Variants in IRAK1BP1 observed in about 807,000 individuals in gnomAD.
The protein encoded by IRAK1BP1 is interleukin 1 receptor associated kinase 1 binding protein 1.
In IRAK1BP1, 24 loss-of-function variants were observed where a neutral mutation model predicts 28.0. That is an observed-to-expected ratio of 0.86 (90% CI 0.62 to 1.20). The LOEUF (loss-of-function observed/expected upper bound fraction) is 1.20. Ranked by LOEUF, IRAK1BP1 falls within the 50% of genes most tolerant of loss-of-function variation. IRAK1BP1 has a pLI of 0.00. For missense variants in IRAK1BP1, 336 were observed against 316.7 expected, an observed-to-expected ratio of 1.06 and a Z score of -0.46; for synonymous variants, 131 against 116.3, an observed-to-expected ratio of 1.13 and a Z score of -0.81.
rs146175076 is a variant in IRAK1BP1, at chr6:78,883,529, A to G, written c.316-1849A>G. Among the ~76,000 whole-genome samples the G allele has an allele frequency of 6.4e-4, 98 of 152,306 alleles. 1 individual carries two copies. The South Asian group carries it at 8.1e-3, about 13-fold the overall frequency. ...CTTTCCAATTACCTTTCATAAAATT[A>G]TCTCTCTAATAATTTTTCAATCAGA... On this transcript the variant is annotated intron_variant, in intron 1 of 3. Coordinates refer to ENST00000369940, the MANE Select transcript of IRAK1BP1 (RefSeq NM_001010844.4).
intron 1 of IRAK1BP1, among the ~76,000 whole-genome samples, chr6:78,879,232 G>A (rs1265456540): frequency 6.6e-6 from 1 of 152,040 alleles, no homozygotes; most frequent in Admixed American, 6.5e-5. Flanking sequence ...GATAGCATTA[G>A]GAGATACACC....
At position 78,867,774 on chromosome 6, in the gene IRAK1BP1, C is replaced by CACCA; in HGVS notation, c.198_199insACCA (p.Arg67ThrfsTer51). ...CCTCAGAAGTGTCTGCGGGCCCTGA[C>CACCA]CGGGCGCAGGTGGTGGTGCGAGTGA... is the stretch of plus-strand genomic sequence containing the variant. On this transcript the variant is annotated frameshift_variant, in exon 1 of 4. Transcript: ENST00000369940. LOFTEE classifies it high-confidence loss of function. 1 of 1,614,036 alleles carries CACCA rather than the reference C, an allele frequency of 6.2e-7. No individual in the cohort carries two copies. Among genetic ancestry groups the CACCA allele is most frequent in the Non-Finnish European group, 8.5e-7 (1 of 1,179,982 alleles).
At chr6:78,936,584 A>G (rs1397278525) in intron 4 of IRAK1BP1, 1 of 151,884 alleles carries the variant, frequency 6.6e-6, no homozygotes. Context: ...GGTCTGTGCC[A>G]TAAGGTTAAT....
At chr6:78,921,168 T>G (rs1772713825) in intron 4 of IRAK1BP1, among the ~76,000 whole-genome samples, 1 of 152,256 alleles carries the variant, frequency 6.6e-6, no homozygotes, top group African/African-American at 2.4e-5. Flanking sequence ...GGAATTCCCT[T>G]TCCTAGCCAA....
At chr6:78,922,050 A>G (rs1372789185) in intron 4 of IRAK1BP1, among the ~76,000 whole-genome samples, 1 of 152,264 alleles carries the variant, frequency 6.6e-6, no homozygotes, top group African/African-American at 2.4e-5. Context: ...GCTCTTCATC[A>G]GCAATGGAAC....
At chr6:78,892,774 G>A (rs757373373) in intron 2 of IRAK1BP1, among the ~76,000 whole-genome samples, 2 of 152,114 alleles carry the variant, frequency 1.3e-5, no homozygotes, top group Non-Finnish European at 2.9e-5. Flanking sequence ...TACAGTGTAT[G>A]AGATAATAAA....
chr6:78,964,278 A>C, the IRAK1BP1 span, among the ~76,000 whole-genome samples: 1 of 152,190 alleles, frequency 6.6e-6, no homozygotes, highest in Admixed American at 6.5e-5. Context: ...CCTGCAGAGA[A>C]CTAATCTTAG....
intron 4 of IRAK1BP1, among the ~76,000 whole-genome samples, chr6:78,926,639 T>C (rs1772898395): frequency 6.6e-6 from 1 of 152,138 alleles, no homozygotes; most frequent in African/African-American, 2.4e-5. Context: ...TACTAGGTCT[T>C]ATTCATTGTT....
At chr6:78,893,270 G>A (rs1220370852) in intron 2 of IRAK1BP1, among the ~76,000 whole-genome samples, 2 of 134,452 alleles carry the variant, frequency 1.5e-5, no homozygotes, top group Non-Finnish European at 3.2e-5. Flanking sequence ...AAACTAAAAG[G>A]TGTATATATA....
chr6:78,908,451 TG>T (rs1250812489), intron 4 of IRAK1BP1, among the ~76,000 whole-genome samples: 1 of 152,152 alleles, frequency 6.6e-6, no homozygotes, highest in African/African-American at 2.4e-5. Context: ...CAGACTCAAG[TG>T]ATCTTCCTGT....
chr6:78,964,451 T>C, the IRAK1BP1 span, among the ~76,000 whole-genome samples: 1 of 152,188 alleles, frequency 6.6e-6, no homozygotes. Context: ...TCCTTTTTGT[T>C]TTTTAAAGAT....
chr6:78,917,571 A>T (rs908670736), intron 4 of IRAK1BP1, among the ~76,000 whole-genome samples: 6 of 148,882 alleles, frequency 4.0e-5, no homozygotes, highest in African/African-American at 1.5e-4. Flanking sequence ...AACACCTGTG[A>T]GATACTATAC....
At chr6:78,953,326 ATC>A in the IRAK1BP1 span, among the ~76,000 whole-genome samples, 1 of 152,186 alleles carries the variant, frequency 6.6e-6, no homozygotes, top group Non-Finnish European at 1.5e-5. Context: ...GGACTCAATT[ATC>A]TCTGTATAGT....
intron 4 of IRAK1BP1, among the ~76,000 whole-genome samples, chr6:78,934,513 A>T (rs560595353): frequency 6.6e-6 from 1 of 152,238 alleles, no homozygotes; most frequent in Admixed American, 6.5e-5. Context: ...AAAAACATTA[A>T]AAGTCCTTCT....
At chr6:78,970,679 T>A in the IRAK1BP1 span, 1 of 711,560 alleles carries the variant, frequency 1.4e-6, no homozygotes, top group Non-Finnish European at 2.3e-6. Context: ...GGTATCTTCA[T>A]GATGCAGTTT....
chr6:78,904,123 G>A (rs1772196763), downstream of IRAK1BP1, among the ~76,000 whole-genome samples: 1 of 152,188 alleles, frequency 6.6e-6, no homozygotes, highest in African/African-American at 2.4e-5. Flanking sequence ...AAGCAGGGAT[G>A]GGAAATGCAG....
chr6:78,972,096 C>T, the IRAK1BP1 span, among the ~76,000 whole-genome samples: 11 of 152,120 alleles, frequency 7.2e-5, no homozygotes, highest in African/African-American at 2.4e-4. Flanking sequence ...AACAAAAAGA[C>T]AGCAGTAACC....
chr6:78,935,599 A>G (rs1773248145), intron 4 of IRAK1BP1: 2 of 976,406 alleles, frequency 2.0e-6, no homozygotes, highest in Admixed American at 6.2e-5. Flanking sequence ...GTTTTATTAA[A>G]TGTACACATA....
chr6:78,906,488 T>G (rs1461990091), downstream of IRAK1BP1, among the ~76,000 whole-genome samples: 2 of 152,224 alleles, frequency 1.3e-5, no homozygotes, highest in Admixed American at 1.3e-4. Context: ...TTTGAAAATA[T>G]TTTAATAAGA....
Sources: gnomAD v4.1 joint callset for allele counts (sites outside exome capture counted in the v4.1 genomes callset) on GRCh38, gnomAD v4.1.1 for gene constraint, MANE v1.5 for transcripts, NCBI Gene and HGNC (gene_info 2026-07-23, HGNC 2026-07-21) for gene names.